PCDH15: variants seen among roughly 807,000 people sequenced by gnomAD.
PCDH15 encodes the protein protocadherin related 15, also known as protocadherin-15.
PCDH15 carries 129 observed loss-of-function variants against 178.5 expected under a neutral mutation model. That is an observed-to-expected ratio of 0.72 (90% CI 0.63 to 0.84). The LOEUF is 0.84. PCDH15 is among the 40% of genes least tolerant of loss of function. PCDH15 has a pLI of 0.00. For synonymous variants in PCDH15, 800 were observed against 732.0 expected, an observed-to-expected ratio of 1.09 and a Z score of -1.50; for missense variants, 2,230 against 2,099.9, an observed-to-expected ratio of 1.06 and a Z score of -1.21.
At chr10:55,028,810 C>A (rs896826092) in intron 2 of PCDH15, among the ~76,000 whole-genome samples, 1 of 151,958 alleles carries the variant, frequency 6.6e-6, no homozygotes, top group African/African-American at 2.4e-5. Flanking sequence ...AAAGATCGTA[C>A]ATGTTTATCT....
intron 8 of PCDH15, among the ~76,000 whole-genome samples, chr10:54,252,586 G>T (rs1278408211): frequency 4.6e-5 from 7 of 152,150 alleles, no homozygotes; most frequent in Admixed American, 3.3e-4. Flanking sequence ...CCAGAGGAAA[G>T]CATGCTGCCA....
intron 16 of PCDH15, among the ~76,000 whole-genome samples, chr10:54,088,805 G>A (rs903288207): frequency 3.9e-5 from 6 of 152,168 alleles, no homozygotes; most frequent in African/African-American, 7.2e-5. Context: ...TTCCTGATTG[G>A]ATTATCTTGA....
chr10:55,371,082 A>G (rs1331364502), intron 2 of PCDH15, among the ~76,000 whole-genome samples: 2 of 152,110 alleles, frequency 1.3e-5, no homozygotes, highest in Non-Finnish European at 2.9e-5. Context: ...ATGGTTTCAA[A>G]TTTCATGTAA....
At chr10:55,523,156 T>TTCC (rs145395886) in intron 2 of PCDH15, among the ~76,000 whole-genome samples, 7,639 of 151,528 alleles carry the variant, frequency 0.05, 468 homozygotes, top group East Asian at 0.31. Flanking sequence ...AACATTCATA[T>TTCC]TCCTCCTAAG....
chr10:54,411,911 T>C (rs7915139), intron 3 of PCDH15, among the ~76,000 whole-genome samples: 120,098 of 151,584 alleles, frequency 0.79, 48,327 homozygotes, highest in East Asian at 0.97. Flanking sequence ...CTTTTACTCC[T>C]TCTTACTTCT....
intron 25 of PCDH15, among the ~76,000 whole-genome samples, chr10:53,908,033 C>T (rs914211166): frequency 2.0e-5 from 3 of 152,068 alleles, no homozygotes; most frequent in Non-Finnish European, 4.4e-5. Flanking sequence ...TAATCTAGTG[C>T]CTACACTGCA....
At chr10:54,751,802 C>G (rs16906506) in intron 1 of PCDH15, among the ~76,000 whole-genome samples, 3,103 of 152,182 alleles carry the variant, frequency 0.02, 98 homozygotes, top group African/African-American at 0.069. Context: ...TAGACAGTAT[C>G]TTTATCAAGT....
chr10:54,959,859 T>C (rs1250825053), intron 2 of PCDH15, among the ~76,000 whole-genome samples: 1 of 152,124 alleles, frequency 6.6e-6, no homozygotes, highest in Admixed American at 6.5e-5. Flanking sequence ...CAAAAGTGAC[T>C]GAAGAACAAA....
At chr10:55,528,888 G>A (rs904615714) in intron 2 of PCDH15, among the ~76,000 whole-genome samples, 3 of 152,108 alleles carry the variant, frequency 2.0e-5, no homozygotes, top group Non-Finnish European at 2.9e-5. Context: ...TCCAGCATCT[G>A]TTGTTTCCTG....
chr10:54,999,720 G>A (rs576375631), intron 2 of PCDH15, among the ~76,000 whole-genome samples: 5 of 152,290 alleles, frequency 3.3e-5, no homozygotes, highest in African/African-American at 7.2e-5. Context: ...AATTCAGCCA[G>A]ATATCGGGCG....
At chr10:54,831,385 A>G (rs1953225496) in intron 3 of PCDH15, among the ~76,000 whole-genome samples, 1 of 152,136 alleles carries the variant, frequency 6.6e-6, no homozygotes, top group Non-Finnish European at 1.5e-5. Flanking sequence ...ACATTAATAT[A>G]TTGGTAATTA....
chr10:54,589,058 T>C (rs2091704801), intron 2 of PCDH15, among the ~76,000 whole-genome samples: 3 of 152,186 alleles, frequency 2.0e-5, no homozygotes, highest in Non-Finnish European at 4.4e-5. Context: ...TTTTGCTTTT[T>C]TTTAAGGAGA....
At chr10:53,971,316 C>A (rs902080215) in intron 21 of PCDH15, among the ~76,000 whole-genome samples, 2 of 152,224 alleles carry the variant, frequency 1.3e-5, no homozygotes, top group South Asian at 4.2e-4. Context: ...TTGTGACAAA[C>A]CCACAGCCAA....
intron 1 of PCDH15, among the ~76,000 whole-genome samples, chr10:54,778,537 G>T (rs891197194): frequency 5.9e-5 from 9 of 152,010 alleles, no homozygotes; most frequent in African/African-American, 2.2e-4. Flanking sequence ...TATAAAGTCA[G>T]GTTTCATTTA....
chr10:54,016,987 A>C (rs923177566), intron 20 of PCDH15, among the ~76,000 whole-genome samples: 27 of 152,202 alleles, frequency 1.8e-4, no homozygotes, highest in African/African-American at 6.3e-4. Context: ...ATATGTTTTC[A>C]GTTACAAGAG....
In PCDH15 at chr10:55,135,574, CTTTTTTTTTTTTT is replaced by C. The variant is rs56956557; in HGVS notation, c.-80+30989_-80+31001del. Reference sequence around the variant, plus strand: ...AGTTATAAAGCTTTTTCTTTTCTTTCTTTTTTTTTTTTTTTTTTTTTTTTTTGAGACAGAGTCT... The same window carrying C: ...AGTTATAAAGCTTTTTCTTTTCTTTCTTTTTTTTTTTTTGAGACAGAGTCT... On this transcript the variant is annotated intron_variant, in intron 2 of 5. Transcript: ENST00000458638. Among the ~76,000 whole-genome samples the C allele has an allele frequency of 1.0e-4, 7 of 68,222 alleles. No individual in the cohort carries two copies. In the East Asian group the frequency reaches 3.2e-3, roughly 31 times the overall value. The allele number at this position is 68,222 out of a possible 152,430, so 44.8% of individuals were successfully genotyped here. A position where few individuals can be genotyped will look rare whatever the true frequency, so the allele number is the denominator to read the frequency against.
At chr10:54,736,153 A>T (rs367557574) in intron 1 of PCDH15, among the ~76,000 whole-genome samples, 3 of 152,164 alleles carry the variant, frequency 2.0e-5, no homozygotes, top group South Asian at 4.1e-4. Flanking sequence ...CTGGAGACTG[A>T]ATCTAACTCT....
At chr10:55,541,311 A>G (rs1841755116) in intron 2 of PCDH15, among the ~76,000 whole-genome samples, 1 of 152,030 alleles carries the variant, frequency 6.6e-6, no homozygotes, top group South Asian at 2.1e-4. Flanking sequence ...TATATCCCTA[A>G]GGATTTCTTC....
chr10:53,972,077 T>C (rs531437995), intron 21 of PCDH15, among the ~76,000 whole-genome samples: 77 of 152,272 alleles, frequency 5.1e-4, no homozygotes, highest in African/African-American at 1.4e-3. Flanking sequence ...ATGATACTGG[T>C]ACCAAAACAG....
Sources: gnomAD v4.1 joint callset for allele counts (sites outside exome capture counted in the v4.1 genomes callset) on GRCh38, gnomAD v4.1.1 for gene constraint, MANE v1.5 for transcripts, NCBI Gene and HGNC (gene_info 2026-07-23, HGNC 2026-07-21) for gene names.